The following ACTR3C variants were observed in gnomAD, a reference collection of about 807,000 sequenced individuals.
ACTR3C encodes the protein actin-related protein 3C.
Under a neutral mutation model 26.3 loss-of-function variants are expected in ACTR3C, and 18 were observed. The observed-to-expected ratio is 0.68, with a 90% CI of 0.47 to 1.01. The LOEUF is 1.01. Among genes scored for constraint, ACTR3C ranks in the 50% least tolerant of loss-of-function variants. The probability of loss-of-function intolerance (pLI) is 0.00; values close to 1 mark genes in which losing one functional copy is unlikely to be tolerated. For missense variants in ACTR3C, 184 were observed against 250.7 expected, an observed-to-expected ratio of 0.73 and a Z score of 1.80; for synonymous variants, 55 against 94.5, an observed-to-expected ratio of 0.58 and a Z score of 2.42.
the ACTR3C span, chr7:150,047,661 T>TCCGCG: frequency 9.9e-7 from 1 of 1,014,018 alleles, no homozygotes; most frequent in African/African-American, 2.1e-5. Flanking sequence ...GGGCCGGCCA[T>TCCGCG]CCGCGCCGCC....
At chr7:150,039,681 T>C in the ACTR3C span, among the ~76,000 whole-genome samples, 95 of 99,818 alleles carry the variant, frequency 9.5e-4, no homozygotes, top group African/African-American at 3.3e-3. Context: ...GGATCAACGA[T>C]GGGGGGTCCT....
intron 1 of ACTR3C, among the ~76,000 whole-genome samples, chr7:150,305,956 A>G (rs1795777343): frequency 6.6e-6 from 1 of 151,884 alleles, no homozygotes; most frequent in African/African-American, 2.4e-5. Context: ...CACCTGGTTC[A>G]CTCCCCTTTA....
chr7:150,152,282 T>C, the ACTR3C span, among the ~76,000 whole-genome samples: 1 of 152,122 alleles, frequency 6.6e-6, no homozygotes, highest in East Asian at 1.9e-4. Context: ...GGGTTTGTCA[T>C]AGATAGCTCT....
At chr7:150,038,895 C>CG in the ACTR3C span, among the ~76,000 whole-genome samples, 218 of 58,230 alleles carry the variant, frequency 3.7e-3, 1 homozygote, top group Non-Finnish European at 4.8e-3. Flanking sequence ...GTGCCTCCCC[C>CG]CTGCGATGGG....
the ACTR3C span, chr7:150,003,187 G>A: frequency 5.9e-5 from 9 of 151,972 alleles, no homozygotes; most frequent in Non-Finnish European, 1.2e-4. Context: ...TGTACAGTGT[G>A]GTGTATGGTA....
chr7:150,161,202 T>TATATATATATATATATATATATATA, the ACTR3C span, among the ~76,000 whole-genome samples: 4 of 103,002 alleles, frequency 3.9e-5, no homozygotes, highest in African/African-American at 1.8e-4. Context: ...AGGAAAGTAT[T>TATATATATATATATATATATATATA]TATATATATA....
At chr7:150,091,664 T>C in the ACTR3C span, among the ~76,000 whole-genome samples, 1 of 125,720 alleles carries the variant, frequency 8.0e-6, no homozygotes, top group Non-Finnish European at 1.7e-5. Flanking sequence ...GTGGCTAACA[T>C]GCAGAAGAAC....
the ACTR3C span, among the ~76,000 whole-genome samples, chr7:150,223,975 GTTC>G: frequency 1.3e-5 from 2 of 152,192 alleles, no homozygotes; most frequent in Non-Finnish European, 2.9e-5. Flanking sequence ...GAGGGCTGCA[GTTC>G]TTTGTTGCCA....
At chr7:149,924,770 C>A in the ACTR3C span, among the ~76,000 whole-genome samples, 1 of 150,992 alleles carries the variant, frequency 6.6e-6, no homozygotes, top group Non-Finnish European at 1.5e-5. Context: ...GGATTACAGG[C>A]GTGTGCCACC....
chr7:149,946,786 C>T, the ACTR3C span, among the ~76,000 whole-genome samples: 4 of 152,178 alleles, frequency 2.6e-5, no homozygotes, highest in African/African-American at 9.7e-5. Flanking sequence ...GTGAAGGTGA[C>T]ATCATAATAA....
the ACTR3C span, among the ~76,000 whole-genome samples, chr7:150,221,998 C>CAA: frequency 0.085 from 6,800 of 79,672 alleles, 313 homozygotes; most frequent in East Asian, 0.22. Context: ...ACTCCGTCTC[C>CAA]AAAAAAAAAA....
At chr7:149,917,322 G>A in the ACTR3C span, among the ~76,000 whole-genome samples, 2 of 152,096 alleles carry the variant, frequency 1.3e-5, no homozygotes, top group Non-Finnish European at 2.9e-5. Context: ...TGATCTGCCC[G>A]CCTCGGCCTC....
chr7:150,029,325 C>G, the ACTR3C span, among the ~76,000 whole-genome samples: 2 of 148,340 alleles, frequency 1.3e-5, no homozygotes, highest in Non-Finnish European at 3.0e-5. Context: ...TTTGGGAGAC[C>G]GAGGTGGGAG....
the ACTR3C span, among the ~76,000 whole-genome samples, chr7:149,928,056 C>T: frequency 6.0e-4 from 92 of 152,262 alleles, no homozygotes; most frequent in African/African-American, 2.2e-3. Flanking sequence ...GGTGAGAATG[C>T]ACACTAATGA....
the ACTR3C span, among the ~76,000 whole-genome samples, chr7:150,151,678 G>A: frequency 9.8e-5 from 12 of 122,644 alleles, 2 homozygotes; most frequent in Admixed American, 1.0e-3. Flanking sequence ...TGTCAGAGAG[G>A]CTAACAATGA....
At chr7:149,968,039 T>G in the ACTR3C span, among the ~76,000 whole-genome samples, 1 of 152,220 alleles carries the variant, frequency 6.6e-6, no homozygotes, top group Non-Finnish European at 1.5e-5. Context: ...AAGCTAACGC[T>G]GGGAACTGTG....
intron 2 of ACTR3C, among the ~76,000 whole-genome samples, chr7:150,293,927 C>T (rs1362073446): frequency 2.0e-5 from 3 of 151,890 alleles, no homozygotes; most frequent in Non-Finnish European, 4.4e-5. Flanking sequence ...CACAGTGAGA[C>T]CTTGTCTCAA....
the ACTR3C span, among the ~76,000 whole-genome samples, chr7:150,036,693 G>T: frequency 7.2e-6 from 1 of 138,690 alleles, no homozygotes; most frequent in African/African-American, 2.5e-5. Flanking sequence ...CAAATAACCT[G>T]CTTTCTTTCT....
At chr7:150,081,658 G>A in the ACTR3C span, among the ~76,000 whole-genome samples, 2 of 151,286 alleles carry the variant, frequency 1.3e-5, no homozygotes, top group Non-Finnish European at 2.9e-5. Flanking sequence ...ATTTTAAACT[G>A]TTTTCTCTGT....
Sources: allele counts gnomAD v4.1 joint callset (sites outside exome capture counted in the v4.1 genomes callset), GRCh38; gene constraint gnomAD v4.1.1; transcripts MANE v1.5; gene names NCBI Gene and HGNC (gene_info 2026-07-23, HGNC 2026-07-21).